The following CDH23 variants were observed in gnomAD, a reference collection of about 807,000 sequenced individuals.
CDH23 encodes the protein cadherin-23.
Under a neutral mutation model 317.1 loss-of-function variants are expected in CDH23, and 189 were observed. The ratio of observed to expected loss-of-function variants is 0.60; its 90% CI spans 0.53 to 0.67. CDH23 has a LOEUF of 0.67. Ranked by LOEUF, CDH23 falls within the 30% of genes least tolerant of loss-of-function variation. CDH23 has a pLI of 0.00. For missense variants in CDH23, 4,401 were observed against 4,592.4 expected (o/e 0.96, Z 1.20); for synonymous variants, 1,839 against 1,876.8 (o/e 0.98, Z 0.52).
In CDH23 at chr10:71,777,660, T is replaced by G. The variant is rs1471478179; in HGVS notation, c.4846-20T>G. On this transcript the variant is annotated intron_variant, in intron 38 of 69. Transcript: ENST00000224721. ...CCCTCTGGCCACCTGACCAAGGACG[T>G]GACCCACTCTTTTCCACAGGCCACC... 6.3e-7 allele frequency: 1 copy of G among 1,595,874 alleles called. No homozygotes were observed. Among genetic ancestry groups the G allele is most frequent in the South Asian group, 1.1e-5 (1 of 88,068 alleles).
chr10:71,534,215 G>C (rs894960046), intron 6 of CDH23, among the ~76,000 whole-genome samples: 19 of 152,052 alleles, frequency 1.2e-4, no homozygotes, highest in African/African-American at 4.6e-4. Context: ...ATAAACTTTG[G>C]AGCCAAGTGT....
intron 3 of CDH23, among the ~76,000 whole-genome samples, chr10:71,480,455 C>T: frequency 6.6e-6 from 1 of 152,228 alleles, no homozygotes; most frequent in Admixed American, 6.5e-5. Context: ...GAAAGTGAGG[C>T]CCAGCACAGG....
chr10:71,695,669 C>A (rs916833643), intron 22 of CDH23, 144 bp downstream of exon 22: 2 of 631,616 alleles, frequency 3.2e-6, no homozygotes, highest in Non-Finnish European at 5.6e-6. Context: ...AGAGTTCTAG[C>A]GGTTCTCCTG....
chr10:71,447,412 C>A (rs1216903536), intron 3 of CDH23, among the ~76,000 whole-genome samples: 1 of 152,180 alleles, frequency 6.6e-6, no homozygotes, highest in Non-Finnish European at 1.5e-5. Context: ...CTCTCCCCTG[C>A]TGTCAGTGGG....
intron 1 of CDH23, among the ~76,000 whole-genome samples, chr10:71,429,466 G>A (rs1052720933): frequency 3.9e-5 from 6 of 152,268 alleles, no homozygotes; most frequent in Admixed American, 3.3e-4. Context: ...GGGAGACCCC[G>A]CATGGGTGTG....
intron 22 of CDH23, among the ~76,000 whole-genome samples, chr10:71,701,111 G>T (rs1374675325): frequency 6.6e-6 from 1 of 152,332 alleles, no homozygotes; most frequent in South Asian, 2.1e-4. Context: ...AGGGTCGGGG[G>T]TGAGCGAGGG....
Position 71,778,390 on chromosome 10 carries a change from G to A in CDH23, c.5187+82G>A, listed in dbSNP as rs1407610718. 15 of 1,552,580 alleles carry A rather than the reference G, an allele frequency of 9.7e-6. No homozygotes were observed. In the Admixed American group the frequency reaches 2.4e-4, roughly 25 times the overall value. ...CCAGAAAGCTCCGATGCGGGAAGGGGTTAGGGGAAGATTGTCTGAGGGAAA... is the reference window on the plus strand; with the variant it reads ...CCAGAAAGCTCCGATGCGGGAAGGGATTAGGGGAAGATTGTCTGAGGGAAA... On this transcript the variant is annotated intron_variant, in intron 40 of 69. Transcript: ENST00000224721.
intron 3 of CDH23, among the ~76,000 whole-genome samples, chr10:71,469,330 G>T (rs1442202630): frequency 6.6e-6 from 1 of 152,130 alleles, no homozygotes; most frequent in Non-Finnish European, 1.5e-5. Flanking sequence ...CAACCTTGGA[G>T]CTGCTCCCTG....
chr10:71,682,686 T>C, intron 18 of CDH23, 114 bp downstream of exon 18: 1 of 1,350,244 alleles, frequency 7.4e-7, no homozygotes, highest in South Asian at 1.3e-5. Context: ...TCCCTGCACC[T>C]TGGGGAGTTT....
chr10:71,665,979 T>A (rs1488444137), intron 14 of CDH23, among the ~76,000 whole-genome samples: 1 of 152,216 alleles, frequency 6.6e-6, no homozygotes. Context: ...ATTCTGAGGC[T>A]TCCTCTGCAG....
chr10:71,569,985 C>T (rs552684746), intron 7 of CDH23, among the ~76,000 whole-genome samples: 1 of 152,066 alleles, frequency 6.6e-6, no homozygotes, highest in Non-Finnish European at 1.5e-5. Context: ...ACAACAGCCT[C>T]GAACTCCTGG....
chr10:71,402,571 C>A (rs1336734812), intron 1 of CDH23, among the ~76,000 whole-genome samples: 2 of 152,208 alleles, frequency 1.3e-5, no homozygotes, highest in Non-Finnish European at 2.9e-5. Context: ...AGTATACATG[C>A]AAAATGTAGT....
At chr10:71,419,623 C>A (rs528469212) in intron 1 of CDH23, among the ~76,000 whole-genome samples, 2 of 151,292 alleles carry the variant, frequency 1.3e-5, no homozygotes, top group South Asian at 4.2e-4. Context: ...TAGGTACTCA[C>A]CACTGGAATT....
chr10:71,506,847 G>T (rs1248049907), intron 3 of CDH23, among the ~76,000 whole-genome samples: 2 of 152,216 alleles, frequency 1.3e-5, no homozygotes, highest in Non-Finnish European at 2.9e-5. Context: ...GAGCAGGCAA[G>T]AGCCCATGAA....
chr10:71,809,167 CTTTTTTTT>C lies in CDH23; in HGVS notation c.8723-636_8723-629del, dbSNP rs61078259. Among the ~76,000 whole-genome samples the C allele has an allele frequency of 6.2e-3, 429 of 68,880 alleles. 3 individuals carry two copies. The highest frequency in any genetic ancestry group is 0.025 in the South Asian group (43 of 1,744). The allele number at this position is 68,880 out of a possible 152,430, so 45.2% of individuals were successfully genotyped here. On this transcript the variant is annotated intron_variant, in intron 60 of 69. Transcript: ENST00000224721. ...TATGGGTTTTGTTGTTTTCTTTTTC[CTTTTTTTT>C]TTTTTTTTTTTTTTTTGGTGATAGA...
In CDH23 at chr10:71,456,227, C is replaced by G. The variant is rs80104716; in HGVS notation, c.145+9832C>G. Among the ~76,000 whole-genome samples the G allele has an allele frequency of 5.0e-3, 758 of 150,656 alleles. 14 individuals carry two copies. Among genetic ancestry groups the G allele is most frequent in the Non-Finnish European group, 6.5e-3 (438 of 67,672 alleles). On this transcript the variant is annotated intron_variant, in intron 3 of 69. Coordinates refer to ENST00000224721, the MANE Select transcript of CDH23 (RefSeq NM_022124.6). Reference sequence around the variant, plus strand: ...GTGATCTAGTATCCATCCAGGTGATCGGTGCTGGAACCAAGGGACCCAGGG... The same window carrying G: ...GTGATCTAGTATCCATCCAGGTGATGGGTGCTGGAACCAAGGGACCCAGGG...
chr10:71,685,189 C>T (rs974709623), intron 18 of CDH23, among the ~76,000 whole-genome samples: 5 of 152,212 alleles, frequency 3.3e-5, no homozygotes, highest in Admixed American at 1.3e-4. Flanking sequence ...AAGGCAGATT[C>T]GTATTTAGTG....
At position 71,444,764 on chromosome 10, in the gene CDH23, G is replaced by C. The variant is rs146692932; in HGVS notation, c.68-1554G>C. ...AACCTTCTCACCCTCTGGGAGCCTGGCACATGCTCTGAGGGAGCCCCGGGT... is the reference window on the plus strand; with the variant it reads ...AACCTTCTCACCCTCTGGGAGCCTGCCACATGCTCTGAGGGAGCCCCGGGT... On this transcript the variant is annotated intron_variant, in intron 2 of 69. Coordinates refer to ENST00000224721, the MANE Select transcript of CDH23 (RefSeq NM_022124.6). 5.9e-5 allele frequency among the ~76,000 whole-genome samples: 9 copies of C among 152,318 alleles called. No homozygotes were observed. In the East Asian group the frequency reaches 9.7e-4, roughly 16 times the overall value.
intron 1 of CDH23, among the ~76,000 whole-genome samples, chr10:71,404,326 G>A (rs1331726065): frequency 1.3e-5 from 2 of 151,940 alleles, no homozygotes; most frequent in African/African-American, 2.4e-5. Context: ...GATTTATGTC[G>A]CCCCTGTGAG....
Sources: allele counts gnomAD v4.1 joint callset (sites outside exome capture counted in the v4.1 genomes callset), GRCh38; gene constraint gnomAD v4.1.1; transcripts MANE v1.5; gene names NCBI Gene and HGNC (gene_info 2026-07-23, HGNC 2026-07-21).